FCN2: variants seen among roughly 807,000 people sequenced by gnomAD.
The protein encoded by FCN2 is ficolin-2.
A neutral mutation model predicts 32.5 loss-of-function variants in FCN2; 31 were observed. The observed-to-expected ratio is 0.96, with a 90% confidence interval of 0.72 to 1.29. The LOEUF is 1.29. FCN2 is among the 50% of genes most tolerant of loss of function. The pLI, the probability that FCN2 is intolerant of heterozygous loss-of-function variation, is 0.00. For missense variants in FCN2, 412 were observed against 406.5 expected, an observed-to-expected ratio of 1.01 and a Z score of -0.12; for synonymous variants, 181 against 164.5, an observed-to-expected ratio of 1.10 and a Z score of -0.77.
rs376959770 is a variant in FCN2 at position 134,883,419 on chromosome 9, G to T, written c.268+64G>T. 2.1e-6 allele frequency: 3 copies of T among 1,427,002 alleles called. No individual in the cohort carries two copies. In the East Asian group the frequency reaches 6.8e-5, roughly 33 times the overall value. 88.4% of individuals were successfully genotyped at this position (1,427,002 alleles called of 1,614,324 possible). A position where few individuals can be genotyped will look rare whatever the true frequency, so the allele number is the denominator to read the frequency against. On this transcript the variant is annotated intron_variant, in intron 3 of 7. Transcript: ENST00000291744. The stretch of plus-strand genomic sequence containing the variant: ...CTTCCAGACCTGGCTGCAGAGGAAC[G>T]TGAGGCGGGTCTTCTGGGGCTGCCA...
chr9:134,867,737 A>G, the FCN2 span, among the ~76,000 whole-genome samples: 2 of 150,386 alleles, frequency 1.3e-5, no homozygotes, highest in Non-Finnish European at 3.0e-5. Context: ...GTGTCCTTGG[A>G]CCCCACACTG....
At position 134,886,377 on chromosome 9, in the gene FCN2, T is replaced by C. The variant is rs986645025; in HGVS notation, c.560-53T>C. ...CCCTGCCCCAGATCCCCAGCTCCCA[T>C]GTCTAAAGGTAGAGAGCCCTTCCGC... is the stretch of plus-strand genomic sequence containing the variant. On this transcript the variant is annotated intron_variant, in intron 6 of 7. Transcript: ENST00000291744. The C allele has an allele frequency of 7.5e-6, 12 of 1,609,382 alleles. No homozygotes were observed. The East Asian group carries it at 2.5e-4, about 33-fold the overall frequency.
chr9:134,864,222 G>C, the FCN2 span, among the ~76,000 whole-genome samples: 52 of 152,340 alleles, frequency 3.4e-4, no homozygotes, highest in African/African-American at 1.2e-3. Flanking sequence ...ATTTCCTCAA[G>C]GGCTGGATTC....
Position 134,882,507 on chromosome 9 carries a change from C to T in FCN2, c.101-19C>T. 1 of 1,602,476 alleles carries T rather than the reference C, an allele frequency of 6.2e-7. No homozygotes were observed. The highest frequency in any genetic ancestry group is 8.6e-7 in the Non-Finnish European group (1 of 1,169,512). ...TCAGGCCCAGGTGACACTGAGTGGC[C>T]ACCTGTGTTTTTCTGCAGAGGTGAA... On this transcript the variant is annotated intron_variant, in intron 1 of 7. Coordinates refer to ENST00000291744, the MANE Select transcript of FCN2 (RefSeq NM_004108.3).
chr9:134,886,474 T>C lies in FCN2; in HGVS notation c.604T>C (p.Tyr202His). 1 of 1,611,766 alleles carries C rather than the reference T, an allele frequency of 6.2e-7. No individual in the cohort carries two copies. The highest frequency in any genetic ancestry group is 8.5e-7 in the Non-Finnish European group (1 of 1,179,124). The change falls in exon 7 of 8, where the codon TAC (tyrosine) becomes CAC (histidine). Residue 202 changes from tyrosine to histidine, a missense_variant. Tyr to His is a moderately conservative substitution (Grantham distance 83). Transcript: ENST00000291744. ...RVDLVDFEDN[Y>H]QFAKYRSFKV... ...AGACCTGGTGGACTTTGAGGACAACTACCAGTTTGCTAAGTACAGATCATT... is the reference window on the plus strand; with the variant it reads ...AGACCTGGTGGACTTTGAGGACAACCACCAGTTTGCTAAGTACAGATCATT...
At position 134,887,464 on chromosome 9, in the gene FCN2, G is replaced by A. The variant is rs765952002; in HGVS notation, c.*49G>A. On this transcript the variant is annotated 3_prime_UTR_variant, in exon 8 of 8. Transcript: ENST00000291744. Reference sequence around the variant, plus strand: ...ACGCCTCCACACATAGTTGGTTGGGGGGTAGGGTTGGGAGCTTGGCCCTAC... The same window carrying A: ...ACGCCTCCACACATAGTTGGTTGGGAGGTAGGGTTGGGAGCTTGGCCCTAC... 1.3e-5 allele frequency: 21 copies of A among 1,584,752 alleles called. No homozygotes were observed. The highest frequency in any genetic ancestry group is 8.4e-5 in the Admixed American group (5 of 59,464).
chr9:134,878,141 C>A (rs892749052), upstream of FCN2, among the ~76,000 whole-genome samples: 4 of 152,206 alleles, frequency 2.6e-5, no homozygotes, highest in Non-Finnish European at 4.4e-5. Flanking sequence ...CAGATTGGGT[C>A]TCCTTGCTCC....
chr9:134,876,050 A>AT, upstream of FCN2, among the ~76,000 whole-genome samples: 1 of 152,312 alleles, frequency 6.6e-6, no homozygotes, highest in Admixed American at 6.5e-5. Flanking sequence ...ATAGTATATC[A>AT]TTTTTAATTT....
At chr9:134,882,370 A>G (rs1830676190) in intron 1 of FCN2, among the ~76,000 whole-genome samples, 156 bp from the exon 2 acceptor site, 1 of 152,140 alleles carries the variant, frequency 6.6e-6, no homozygotes. Context: ...CTTCCAGGTG[A>G]CCCTCCAGCT....
rs759999079 is a variant in FCN2 at position 134,886,551 on chromosome 9, G to A, written c.681G>A (p.Val227=). The part of the protein sequence containing the change: ...EKYNLVLGAF[V]EGSAGDSLTF... ...ACAATCTGGTCCTGGGGGCCTTCGT[G>A]GAGGGCAGTGCGGGTGAGTGTCTGC... is the stretch of plus-strand genomic sequence containing the variant. The change falls in exon 7 of 8, where the codon GTG becomes GTA. Residue 227 remains valine, a synonymous_variant. Transcript: ENST00000291744. 10 of 1,614,048 alleles carry A rather than the reference G, an allele frequency of 6.2e-6. No individual in the cohort carries two copies. Among genetic ancestry groups the A allele is most frequent in the Admixed American group, 1.7e-5 (1 of 59,992 alleles).
chr9:134,870,610 C>A, the FCN2 span, among the ~76,000 whole-genome samples: 1 of 152,152 alleles, frequency 6.6e-6, no homozygotes, highest in Non-Finnish European at 1.5e-5. This position sits in a 1 kb window ranked among gnomAD's most constrained non-coding sequence, Gnocchi z 4.3. Flanking sequence ...GCAAAGGAGA[C>A]CCTGCCCTGA....
upstream of FCN2, among the ~76,000 whole-genome samples, chr9:134,876,260 G>A (rs1262281001): frequency 6.6e-6 from 1 of 152,070 alleles, no homozygotes. Context: ...ATCTACTTTT[G>A]CTATTGGGGA....
rs547815340 is a variant in FCN2, at chr9:134,887,193, C to T, written c.720C>T (p.Asn240=). 7 of 1,614,136 alleles carry T rather than the reference C, an allele frequency of 4.3e-6. No homozygotes were observed. Among genetic ancestry groups the T allele is most frequent in the Admixed American group, 3.3e-5 (2 of 60,026 alleles). The change falls in exon 8 of 8, where the codon AAC becomes AAT. Residue 240 remains asparagine (N), a synonymous_variant. Coordinates refer to ENST00000291744, the MANE Select transcript of FCN2 (RefSeq NM_004108.3). ...SAGDSLTFHN[N]QSFSTKDQDN... ...GAGATTCCCTGACGTTCCACAACAA[C>T]CAGTCCTTCTCCACCAAAGACCAGG... is the stretch of plus-strand genomic sequence containing the variant.
At chr9:134,872,473 T>C in the FCN2 span, among the ~76,000 whole-genome samples, 1 of 152,216 alleles carries the variant, frequency 6.6e-6, no homozygotes, top group Non-Finnish European at 1.5e-5. Flanking sequence ...GATTGTACGA[T>C]AGGTGTATTA....
In FCN2 at chr9:134,881,961, C is replaced by T. The variant is rs74361720; in HGVS notation, c.101-565C>T. Among the ~76,000 whole-genome samples, 769 of 152,322 alleles carry T rather than the reference C, an allele frequency of 5.0e-3. 5 individuals carry two copies. Among genetic ancestry groups the T allele is most frequent in the African/African-American group, 0.018 (745 of 41,572 alleles). ...CAACTTGTTCAGTGTCCTTGAAGGACGCCTCCCTCTGTGGAGGAACAAGGT... is the reference window on the plus strand; with the variant it reads ...CAACTTGTTCAGTGTCCTTGAAGGATGCCTCCCTCTGTGGAGGAACAAGGT... On this transcript the variant is annotated intron_variant, in intron 1 of 7. Coordinates refer to ENST00000291744, the MANE Select transcript of FCN2 (RefSeq NM_004108.3).
chr9:134,885,409 G>A lies in FCN2; in HGVS notation c.429+43G>A, dbSNP rs55834586. 1.6e-3 allele frequency: 2,507 copies of A among 1,603,210 alleles called. 38 individuals are homozygous for A. The African/African-American group carries it at 0.029, about 18-fold the overall frequency. On this transcript the variant is annotated intron_variant, in intron 5 of 7. Coordinates refer to ENST00000291744, the MANE Select transcript of FCN2 (RefSeq NM_004108.3). ...CAGAGGCGGTCAGCCTGGGAGTCCCGGAGGCCAGGCTGCACACCTGGTGGG... is the reference window on the plus strand; with the variant it reads ...CAGAGGCGGTCAGCCTGGGAGTCCCAGAGGCCAGGCTGCACACCTGGTGGG...
At chr9:134,884,168 A>G (rs1216188236) in intron 3 of FCN2, among the ~76,000 whole-genome samples, 1 of 152,174 alleles carries the variant, frequency 6.6e-6, no homozygotes, top group African/African-American at 2.4e-5. Context: ...CTTTAAAACA[A>G]AGAATTTTCT....
chr9:134,874,568 ATT>A, the FCN2 span, among the ~76,000 whole-genome samples: 1 of 152,118 alleles, frequency 6.6e-6, no homozygotes, highest in African/African-American at 2.4e-5. Flanking sequence ...TCATTGTTCT[ATT>A]TGTCTGCTTT....
In FCN2 at chr9:134,880,840, G is replaced by T. The variant is rs766426852; in HGVS notation, c.19G>T (p.Val7Leu). The T allele has an allele frequency of 6.2e-7, 1 of 1,613,740 alleles. No individual in the cohort carries two copies. Among genetic ancestry groups the T allele is most frequent in the Admixed American group, 1.7e-5 (1 of 60,022 alleles). The change falls in exon 1 of 8, where the codon GTG becomes TTG. Residue 7 changes from valine (V) to leucine (L), a missense_variant. Transcript: ENST00000291744. MELDRA[V>L]GVLGAATLLL... Reference sequence around the variant, plus strand: ...AGAAGAGATGGAGCTGGACAGAGCTGTGGGGGTCCTGGGCGCTGCCACCCT... The same window carrying T: ...AGAAGAGATGGAGCTGGACAGAGCTTTGGGGGTCCTGGGCGCTGCCACCCT...
Sources: allele counts gnomAD v4.1 joint callset (sites outside exome capture counted in the v4.1 genomes callset), GRCh38; gene constraint gnomAD v4.1.1; non-coding constraint Gnocchi (gnomAD v3.1); transcripts MANE v1.5; gene names NCBI Gene and HGNC (gene_info 2026-07-23, HGNC 2026-07-21).